KAZN: variants seen among roughly 807,000 people sequenced by gnomAD.
KAZN encodes the protein kazrin.
KAZN carries 40 observed loss-of-function variants against 87.4 expected under a neutral mutation model. That is an observed-to-expected ratio of 0.46 (90% CI 0.36 to 0.60). KAZN has a LOEUF of 0.60. Ranked by LOEUF, KAZN falls within the 20% of genes least tolerant of loss-of-function variation. The pLI is 0.00. For synonymous variants in KAZN, 466 were observed against 458.3 expected (o/e 1.02, Z -0.22); for missense variants, 898 against 1,073.9 (o/e 0.84, Z 2.29).
intron 1 of KAZN, among the ~76,000 whole-genome samples, chr1:14,070,190 TA>T (rs1643194657): frequency 3.3e-5 from 3 of 92,304 alleles, no homozygotes; most frequent in African/African-American, 9.3e-5. Flanking sequence ...AGTAAATAAA[TA>T]AAATAAAAAT....
intron 1 of KAZN, among the ~76,000 whole-genome samples, chr1:13,969,010 A>G (rs1179660521): frequency 6.6e-6 from 1 of 152,190 alleles, no homozygotes; most frequent in Non-Finnish European, 1.5e-5. Flanking sequence ...CTTTATTTGT[A>G]CCTGTATGGA....
At chr1:14,232,602 C>CTG (rs1647970541) in intron 2 of KAZN, among the ~76,000 whole-genome samples, 1 of 152,158 alleles carries the variant, frequency 6.6e-6, no homozygotes, top group African/African-American at 2.4e-5. Flanking sequence ...TGATACAGGG[C>CTG]TGAGATACAA....
intron 1 of KAZN, among the ~76,000 whole-genome samples, chr1:14,700,933 C>T (rs949079528): frequency 6.6e-6 from 1 of 152,118 alleles, no homozygotes; most frequent in Non-Finnish European, 1.5e-5. Context: ...GCTCTGCTCT[C>T]AATGGGAAAC....
chr1:14,013,452 C>G (rs1324078031), intron 1 of KAZN, among the ~76,000 whole-genome samples: 1 of 152,026 alleles, frequency 6.6e-6, no homozygotes, highest in Non-Finnish European at 1.5e-5. Flanking sequence ...TGACAACCCC[C>G]CAGAGGTTTT....
intron 2 of KAZN, among the ~76,000 whole-genome samples, chr1:14,286,611 C>A (rs186720854): frequency 6.6e-6 from 1 of 152,140 alleles, no homozygotes; most frequent in Non-Finnish European, 1.5e-5. Flanking sequence ...CTGTTAATAC[C>A]ATTAATTCAG....
In KAZN at chr1:14,601,436, AT is replaced by A. The variant is rs965271541; in HGVS notation, c.226+2225del. On this transcript the variant is annotated intron_variant, in intron 1 of 14. Transcript: ENST00000376030. Reference sequence around the variant, plus strand: ...TATTTAGCCTCTGTAAGTTTGGGGGATTTTTTTTTTTTGATGGGGGCGGGAG... The same window carrying A: ...TATTTAGCCTCTGTAAGTTTGGGGGATTTTTTTTTTTGATGGGGGCGGGAG... Among the ~76,000 whole-genome samples the A allele has an allele frequency of 8.8e-3, 1,239 of 140,028 alleles. 17 individuals carry two copies. The highest frequency in any genetic ancestry group is 0.026 in the African/African-American group (981 of 38,362). The allele number at this position is 140,028 out of a possible 152,430, so 91.9% of individuals were successfully genotyped here. A position where few individuals can be genotyped will look rare whatever the true frequency, so the allele number is the denominator to read the frequency against.
chr1:14,771,619 A>T (rs1004194944), intron 1 of KAZN, among the ~76,000 whole-genome samples: 24 of 152,114 alleles, frequency 1.6e-4, no homozygotes, highest in African/African-American at 5.6e-4. Flanking sequence ...TGAGGTCATG[A>T]GTTTGAGACC....
chr1:15,055,486 A>G (rs541568165), intron 4 of KAZN, among the ~76,000 whole-genome samples: 16 of 152,110 alleles, frequency 1.1e-4, no homozygotes, highest in African/African-American at 3.9e-4. Flanking sequence ...AAAACAAAAA[A>G]AAGGAGTGTT....
chr1:14,989,759 G>A (rs771726463), intron 2 of KAZN, among the ~76,000 whole-genome samples: 2 of 152,186 alleles, frequency 1.3e-5, no homozygotes, highest in Admixed American at 6.5e-5. Context: ...AGGAAGAGCC[G>A]AGTGAGTGCT....
chr1:13,903,219 G>T (rs1363351060), intron 1 of KAZN, among the ~76,000 whole-genome samples: 1 of 152,206 alleles, frequency 6.6e-6, no homozygotes, highest in East Asian at 1.9e-4. Context: ...CCTTGATGAA[G>T]AACCCACTTG....
intron 2 of KAZN, among the ~76,000 whole-genome samples, chr1:14,460,429 G>T (rs1667798013): frequency 6.6e-6 from 1 of 152,190 alleles, no homozygotes; most frequent in African/African-American, 2.4e-5. Flanking sequence ...CCAGGCTTGG[G>T]GCTGTTCACT....
At chr1:14,477,952 GCCA>G (rs1299618977) in intron 2 of KAZN, among the ~76,000 whole-genome samples, 1 of 152,180 alleles carries the variant, frequency 6.6e-6, no homozygotes, top group Non-Finnish European at 1.5e-5. Flanking sequence ...AGCCCTGTAT[GCCA>G]AGCAACGCCT....
intron 1 of KAZN, among the ~76,000 whole-genome samples, chr1:14,014,124 C>T (rs1362353513): frequency 6.6e-6 from 1 of 152,060 alleles, no homozygotes; most frequent in Non-Finnish European, 1.5e-5. Flanking sequence ...CACCACCCAC[C>T]ATTGATGATT....
At chr1:14,482,785 T>C (rs1452705802) in intron 2 of KAZN, among the ~76,000 whole-genome samples, 1 of 152,092 alleles carries the variant, frequency 6.6e-6, no homozygotes, top group Non-Finnish European at 1.5e-5. Context: ...GAGTGGGCTT[T>C]ACCTATGCAC....
intron 1 of KAZN, among the ~76,000 whole-genome samples, chr1:14,068,125 C>G (rs935300134): frequency 6.6e-6 from 1 of 152,080 alleles, no homozygotes; most frequent in Admixed American, 6.5e-5. Context: ...GATGTTCCCC[C>G]CCCCAACAAT....
chr1:14,482,385 T>A (rs1669130655), intron 2 of KAZN, among the ~76,000 whole-genome samples: 1 of 152,190 alleles, frequency 6.6e-6, no homozygotes, highest in South Asian at 2.1e-4. Context: ...AGGCAGTCAC[T>A]AGAGCTCACG....
At chr1:14,498,681 G>A (rs145054213) in intron 2 of KAZN, among the ~76,000 whole-genome samples, 1,655 of 152,038 alleles carry the variant, frequency 0.011, 30 homozygotes, top group Non-Finnish European at 8.5e-3. Flanking sequence ...GACAGAGCAA[G>A]ACTCTGTCTC....
rs151061389 is a variant in KAZN at position 14,009,785 on chromosome 1, A to G, written c.91+116029A>G. Reference sequence around the variant, plus strand: ...AGCATTATGTCTTCTGCCCTGGGCTAGTTCACATTCCACAATGTGCAAGTA... The same window carrying G: ...AGCATTATGTCTTCTGCCCTGGGCTGGTTCACATTCCACAATGTGCAAGTA... On this transcript the variant is annotated intron_variant, in intron 1 of 16. Transcript: ENST00000636203. 2.2e-3 allele frequency among the ~76,000 whole-genome samples: 335 copies of G among 152,336 alleles called. 2 individuals carry two copies. The highest frequency in any genetic ancestry group is 7.8e-3 in the African/African-American group (323 of 41,582).
intron 2 of KAZN, among the ~76,000 whole-genome samples, chr1:14,540,045 T>A (rs1010812445): frequency 1.3e-5 from 2 of 152,134 alleles, no homozygotes; most frequent in African/African-American, 4.8e-5. Flanking sequence ...GAGAGAGGGA[T>A]GTGAAAAGTC....
Sources: gnomAD v4.1 joint callset for allele counts (sites outside exome capture counted in the v4.1 genomes callset) on GRCh38, gnomAD v4.1.1 for gene constraint, MANE v1.5 for transcripts, NCBI Gene and HGNC (gene_info 2026-07-23, HGNC 2026-07-21) for gene names.